The following PDZRN4 variants were observed in gnomAD, a reference collection of about 807,000 sequenced individuals.
The protein encoded by PDZRN4 is PDZ domain-containing RING finger protein 4.
Under a neutral mutation model 99.0 loss-of-function variants are expected in PDZRN4, and 70 were observed. The ratio of observed to expected loss-of-function variants is 0.71; its 90% CI spans 0.58 to 0.86. The LOEUF is 0.86. Among genes scored for constraint, PDZRN4 ranks in the 40% least tolerant of loss-of-function variants. PDZRN4 has a pLI of 0.00. For missense variants in PDZRN4, 1,474 were observed against 1,331.2 expected, an observed-to-expected ratio of 1.11 and a Z score of -1.67; for synonymous variants, 551 against 501.6, an observed-to-expected ratio of 1.10 and a Z score of -1.32.
At chr12:41,330,374 C>T (rs1951734623) in intron 3 of PDZRN4, among the ~76,000 whole-genome samples, 1 of 151,770 alleles carries the variant, frequency 6.6e-6, no homozygotes, top group Non-Finnish European at 1.5e-5. Flanking sequence ...CTGACTATGA[C>T]ACAAGTCTTG....
chr12:41,270,253 G>A (rs1025335745), intron 3 of PDZRN4, among the ~76,000 whole-genome samples: 13 of 147,956 alleles, frequency 8.8e-5, no homozygotes, highest in Admixed American at 2.0e-4. Context: ...TTTTTGGATC[G>A]TAACTATTGT....
At chr12:41,293,324 T>C (rs1223229111) in intron 3 of PDZRN4, among the ~76,000 whole-genome samples, 1 of 150,784 alleles carries the variant, frequency 6.6e-6, no homozygotes, top group Admixed American at 6.6e-5. Context: ...GACACACATG[T>C]AGCATCGTAT....
chr12:41,512,297 A>G (rs1307381844), intron 5 of PDZRN4, among the ~76,000 whole-genome samples: 1 of 152,094 alleles, frequency 6.6e-6, no homozygotes, highest in African/African-American at 2.4e-5. Flanking sequence ...AACAATAAAC[A>G]TAAAAGTAAA....
At chr12:41,348,945 T>C (rs1208889690) in intron 3 of PDZRN4, among the ~76,000 whole-genome samples, 1 of 152,056 alleles carries the variant, frequency 6.6e-6, no homozygotes, top group Non-Finnish European at 1.5e-5. Context: ...TATGTACGTA[T>C]ATGAATCTAA....
At chr12:41,437,666 T>C in intron 3 of PDZRN4, 1 of 1,009,802 alleles carries the variant, frequency 9.9e-7, no homozygotes. Flanking sequence ...TGTGTAGTCA[T>C]GTGCACTGAT....
chr12:41,273,482 T>A (rs1183601347), intron 3 of PDZRN4, among the ~76,000 whole-genome samples: 1 of 151,964 alleles, frequency 6.6e-6, no homozygotes, highest in East Asian at 1.9e-4. Context: ...CAGTATAGCG[T>A]GATAGAAACT....
chr12:41,537,162 T>C (rs1390626853), intron 5 of PDZRN4, among the ~76,000 whole-genome samples: 1 of 152,150 alleles, frequency 6.6e-6, no homozygotes, highest in African/African-American at 2.4e-5. Context: ...TAAAACACTA[T>C]AAGCTCAAGT....
At chr12:41,569,176 G>A (rs1328197724) in intron 9 of PDZRN4, among the ~76,000 whole-genome samples, 1 of 151,462 alleles carries the variant, frequency 6.6e-6, no homozygotes, top group Non-Finnish European at 1.5e-5. Context: ...CTGGAGTGCA[G>A]TGACACAATC....
chr12:41,417,595 G>C (rs767563078), intron 3 of PDZRN4, among the ~76,000 whole-genome samples: 7 of 152,138 alleles, frequency 4.6e-5, no homozygotes, highest in African/African-American at 1.7e-4. Flanking sequence ...AGGCCACTAA[G>C]GATGCAATGT....
chr12:41,277,348 C>T (rs1303488172), intron 3 of PDZRN4, among the ~76,000 whole-genome samples: 2 of 152,026 alleles, frequency 1.3e-5, no homozygotes, highest in Non-Finnish European at 2.9e-5. Context: ...TCCTGCTGCC[C>T]CTAACTACAA....
At chr12:41,492,558 G>T (rs1475058179) in intron 3 of PDZRN4, among the ~76,000 whole-genome samples, 2 of 152,000 alleles carry the variant, frequency 1.3e-5, no homozygotes, top group Non-Finnish European at 2.9e-5. Context: ...GAGTTGAAAA[G>T]CTCTGAGTCT....
chr12:41,226,468 G>A (rs1950995744), intron 3 of PDZRN4, among the ~76,000 whole-genome samples: 1 of 151,918 alleles, frequency 6.6e-6, no homozygotes, highest in South Asian at 2.1e-4. Flanking sequence ...GTACCTAGAA[G>A]CTCTTGAGTA....
chr12:41,370,265 C>T (rs952337563), intron 3 of PDZRN4, among the ~76,000 whole-genome samples: 7 of 151,988 alleles, frequency 4.6e-5, no homozygotes, highest in South Asian at 4.1e-4. Flanking sequence ...CTTTTCACCA[C>T]GGTTACATGA....
At chr12:41,523,512 C>G (rs1306454083) in intron 5 of PDZRN4, among the ~76,000 whole-genome samples, 1 of 152,116 alleles carries the variant, frequency 6.6e-6, no homozygotes. Flanking sequence ...TGTGACTTCA[C>G]ACATTGCTCA....
intron 3 of PDZRN4, among the ~76,000 whole-genome samples, chr12:41,424,439 T>G (rs1952517870): frequency 6.6e-6 from 1 of 152,182 alleles, no homozygotes; most frequent in African/African-American, 2.4e-5. Flanking sequence ...CTTAACAATT[T>G]TTATACTGAC....
At chr12:41,296,561 C>A (rs994009419) in intron 3 of PDZRN4, among the ~76,000 whole-genome samples, 2 of 152,172 alleles carry the variant, frequency 1.3e-5, no homozygotes, top group African/African-American at 4.8e-5. Flanking sequence ...TCATTGCTTT[C>A]ATCAACAAAG....
intron 3 of PDZRN4, among the ~76,000 whole-genome samples, chr12:41,501,211 G>A (rs888619804): frequency 1.3e-5 from 2 of 152,050 alleles, no homozygotes; most frequent in Non-Finnish European, 2.9e-5. Context: ...CTCATAAGAG[G>A]CATGGAGATT....
chr12:41,322,107 C>G (rs1250431856), intron 3 of PDZRN4, among the ~76,000 whole-genome samples: 1 of 152,136 alleles, frequency 6.6e-6, no homozygotes, highest in Non-Finnish European at 1.5e-5. Flanking sequence ...TTTTGGCTTA[C>G]TGCAACCTCT....
At chr12:41,240,138 G>A (rs1951092990) in intron 3 of PDZRN4, among the ~76,000 whole-genome samples, 1 of 81,894 alleles carries the variant, frequency 1.2e-5, no homozygotes, top group African/African-American at 4.6e-5. Flanking sequence ...ATTTGTCCTT[G>A]TAATATTACT....
Sources: gnomAD v4.1 joint callset for allele counts (sites outside exome capture counted in the v4.1 genomes callset) on GRCh38, gnomAD v4.1.1 for gene constraint, MANE v1.5 for transcripts, NCBI Gene and HGNC (gene_info 2026-07-23, HGNC 2026-07-21) for gene names.